ADGRB3: variants seen among roughly 807,000 people sequenced by gnomAD.
ADGRB3 encodes adhesion G protein-coupled receptor B3.
ADGRB3 carries 37 observed loss-of-function variants against 193.4 expected under a neutral mutation model. That is an observed-to-expected ratio of 0.19 (90% confidence interval 0.15 to 0.25). ADGRB3 has a LOEUF of 0.25. ADGRB3 is among the 10% of genes least tolerant of loss of function. ADGRB3 has a pLI of 1.00. For synonymous variants in ADGRB3, 690 were observed against 644.2 expected (o/e 1.07, Z -1.08); for missense variants, 1,637 against 1,852.9 (o/e 0.88, Z 2.14).
chr6:68,753,646 C>T (rs886118476), intron 3 of ADGRB3, among the ~76,000 whole-genome samples: 2 of 152,004 alleles, frequency 1.3e-5, no homozygotes, highest in African/African-American at 2.4e-5. Context: ...ATATGAAGAA[C>T]GTGACAGACT....
At chr6:69,116,149 C>CT (rs1159530012) in intron 17 of ADGRB3, among the ~76,000 whole-genome samples, 5 of 152,316 alleles carry the variant, frequency 3.3e-5, no homozygotes, top group African/African-American at 1.2e-4. Context: ...GAAACCTCAG[C>CT]TTTTGTTCTT....
chr6:68,915,197 C>A (rs1766841361), intron 3 of ADGRB3, among the ~76,000 whole-genome samples: 1 of 152,156 alleles, frequency 6.6e-6, no homozygotes, highest in Non-Finnish European at 1.5e-5. Flanking sequence ...CCAGATCCAG[C>A]ACATATTAGC....
chr6:69,262,029 CAT>C (rs1766941209), intron 20 of ADGRB3, among the ~76,000 whole-genome samples: 1 of 151,932 alleles, frequency 6.6e-6, no homozygotes, highest in Non-Finnish European at 1.5e-5. Flanking sequence ...TGAATACATA[CAT>C]ATGTTTTTGG....
At chr6:68,716,184 C>T (rs556770588) in intron 3 of ADGRB3, among the ~76,000 whole-genome samples, 1 of 151,692 alleles carries the variant, frequency 6.6e-6, no homozygotes, top group South Asian at 2.1e-4. Flanking sequence ...TCAGTGACCA[C>T]ATTGCTTTTT....
intron 3 of ADGRB3, among the ~76,000 whole-genome samples, chr6:68,734,185 A>T (rs1176997114): frequency 1.3e-5 from 2 of 152,022 alleles, no homozygotes; most frequent in African/African-American, 4.8e-5. Context: ...TTTTCATACT[A>T]TAAATAAAAC....
At chr6:68,773,393 A>G (rs1342104733) in intron 3 of ADGRB3, among the ~76,000 whole-genome samples, 2 of 152,142 alleles carry the variant, frequency 1.3e-5, no homozygotes, top group Admixed American at 6.6e-5. Flanking sequence ...ATCTGAATGA[A>G]GAGACATCAG....
intron 20 of ADGRB3, among the ~76,000 whole-genome samples, chr6:69,250,205 A>C (rs1766590631): frequency 6.6e-6 from 1 of 152,172 alleles, no homozygotes; most frequent in Non-Finnish European, 1.5e-5. Context: ...TCTTATTTGT[A>C]TCTGTTTTGT....
At chr6:69,243,518 A>G (rs1207247674) in intron 20 of ADGRB3, among the ~76,000 whole-genome samples, 3 of 151,862 alleles carry the variant, frequency 2.0e-5, no homozygotes, top group African/African-American at 7.3e-5. Context: ...AAGATATGGG[A>G]TATAGGCCAC....
At chr6:69,173,811 A>G (rs887779585) in intron 17 of ADGRB3, among the ~76,000 whole-genome samples, 1 of 152,212 alleles carries the variant, frequency 6.6e-6, no homozygotes, top group Non-Finnish European at 1.5e-5. Flanking sequence ...CACCTAAAAA[A>G]CATTCTGAGG....
rs141214330 is a variant in ADGRB3 at position 68,974,300 on chromosome 6, G to A, written c.1526-463G>A. On this transcript the variant is annotated intron_variant, in intron 8 of 31. Coordinates refer to ENST00000370598, the MANE Select transcript of ADGRB3 (RefSeq NM_001704.3). ...GTAAATACTTTGTAGATACTAAAAGGAAATCTGATGGGTTTTTATGTATGT... is the reference window on the plus strand; with the variant it reads ...GTAAATACTTTGTAGATACTAAAAGAAAATCTGATGGGTTTTTATGTATGT... 4.3e-3 allele frequency among the ~76,000 whole-genome samples: 650 copies of A among 152,190 alleles called. 3 individuals are homozygous for A. The highest frequency in any genetic ancestry group is 5.6e-3 in the Non-Finnish European group (378 of 68,006).
At chr6:68,685,921 A>G (rs148983441) in intron 3 of ADGRB3, among the ~76,000 whole-genome samples, 9 of 152,244 alleles carry the variant, frequency 5.9e-5, no homozygotes, top group East Asian at 3.9e-4. Context: ...ATTTCTCAAC[A>G]TAAGCTTCCT....
intron 3 of ADGRB3, among the ~76,000 whole-genome samples, chr6:68,878,797 A>C (rs1325734778): frequency 6.6e-6 from 1 of 152,220 alleles, no homozygotes; most frequent in Non-Finnish European, 1.5e-5. Flanking sequence ...CTGGACTTAC[A>C]GTTCCATGTG....
At chr6:69,345,603 C>T (rs959411343) in intron 26 of ADGRB3, among the ~76,000 whole-genome samples, 2 of 152,088 alleles carry the variant, frequency 1.3e-5, no homozygotes, top group Admixed American at 1.3e-4. Flanking sequence ...TGGAACGTAG[C>T]TCAAAATAAT....
At chr6:69,033,908 G>A (rs1201283797) in intron 13 of ADGRB3, among the ~76,000 whole-genome samples, 2 of 152,004 alleles carry the variant, frequency 1.3e-5, no homozygotes, top group Admixed American at 1.3e-4. Context: ...TGTATTGAAG[G>A]CATAGCTGAT....
At chr6:68,864,800 G>A (rs1765247988) in intron 3 of ADGRB3, among the ~76,000 whole-genome samples, 1 of 152,046 alleles carries the variant, frequency 6.6e-6, no homozygotes, top group African/African-American at 2.4e-5. Context: ...AAAATTCTGG[G>A]GCTTGAAGCA....
intron 3 of ADGRB3, among the ~76,000 whole-genome samples, chr6:68,873,625 A>G (rs78564400): frequency 0.01 from 1,597 of 152,262 alleles, 37 homozygotes; most frequent in African/African-American, 0.037. Context: ...GTTATTTTCA[A>G]TGATATAAAG....
intron 11 of ADGRB3, among the ~76,000 whole-genome samples, chr6:69,002,904 T>C (rs1186901678): frequency 6.6e-6 from 1 of 152,078 alleles, no homozygotes; most frequent in Admixed American, 6.5e-5. Context: ...AATAATTTTC[T>C]CAAACATCAG....
chr6:68,998,002 C>T (rs1321962883), intron 11 of ADGRB3, among the ~76,000 whole-genome samples: 1 of 152,048 alleles, frequency 6.6e-6, no homozygotes, highest in East Asian at 1.9e-4. Context: ...TGTATGAACC[C>T]TTAAAATTTC....
At chr6:69,300,360 A>G (rs35829738) in intron 20 of ADGRB3, among the ~76,000 whole-genome samples, 1 of 151,740 alleles carries the variant, frequency 6.6e-6, no homozygotes, top group Non-Finnish European at 1.5e-5. Context: ...AGCCAGTATC[A>G]TACTAAACAA....
Sources: allele counts gnomAD v4.1 joint callset (sites outside exome capture counted in the v4.1 genomes callset), GRCh38; gene constraint gnomAD v4.1.1; transcripts MANE v1.5; gene names NCBI Gene and HGNC (gene_info 2026-07-23, HGNC 2026-07-21).